CLDN5: variants seen among roughly 807,000 people sequenced by gnomAD.
CLDN5 encodes claudin-5.
In CLDN5, 4 loss-of-function variants were observed where a neutral mutation model predicts 1.3. The ratio of observed to expected loss-of-function variants is 3.07; its 90% CI spans 1.51 to 7.03. The LOEUF (loss-of-function observed/expected upper bound fraction) is 7.03, where lower values mean the gene tolerates loss of function less well. Among genes scored for constraint, CLDN5 ranks in the 30% most tolerant of loss-of-function variants. The pLI is 0.00. For missense variants in CLDN5, 225 were observed against 303.5 expected (o/e 0.74, Z 1.92); for synonymous variants, 156 against 152.3 (o/e 1.02, Z -0.18).
At chr22:19,524,836 C>A, upstream of CLDN5, 1 of 1,170,766 alleles carries the variant, frequency 8.5e-7, no homozygotes, top group Non-Finnish European at 1.1e-6. Context: ...TTGCAGAAGC[C>A]CCCCACCCCG....
At position 19,524,293 on chromosome 22, in the gene CLDN5, C is replaced by T. The variant is rs1271794848; in HGVS notation, c.-38G>A. On this transcript the variant is annotated 5_prime_UTR_variant, in exon 1 of 1. Coordinates refer to ENST00000618236, the MANE Select transcript of CLDN5 (RefSeq NM_001363066.2). ...GACGCGCACCCGAAGGCCCGCAGAA[C>T]CCCCAAGGCCGTGCTGCGCGGCGCC... 4 of 1,537,818 alleles carry T rather than the reference C, an allele frequency of 2.6e-6. No individual in the cohort carries two copies. Among genetic ancestry groups the T allele is most frequent in the East Asian group, 2.5e-5 (1 of 40,636 alleles).
upstream of CLDN5, chr22:19,524,710 C>T: frequency 7.7e-7 from 1 of 1,301,166 alleles, no homozygotes; most frequent in Non-Finnish European, 9.8e-7. Flanking sequence ...CGTCCCGGCC[C>T]CGTCACTTCA....
At chr22:19,525,309 G>A (rs1370809196), upstream of CLDN5, 3 of 999,030 alleles carry the variant, frequency 3.0e-6, no homozygotes, top group African/African-American at 1.7e-5. Context: ...AGGCCTAGCA[G>A]CCTGCTCTGG....
At position 19,524,251 on chromosome 22, in the gene CLDN5, C is replaced by G; in HGVS notation, c.5G>C (p.Gly2Ala). 6.3e-7 allele frequency: 1 copy of G among 1,575,830 alleles called. No individual in the cohort carries two copies. The highest frequency in any genetic ancestry group is 8.6e-7 in the Non-Finnish European group (1 of 1,161,412). The change falls in exon 1 of 1, where the codon GGG becomes GCG. Residue 2 changes from glycine to alanine, a missense_variant. Coordinates refer to ENST00000618236, the MANE Select transcript of CLDN5 (RefSeq NM_001363066.2). The part of the protein sequence containing the change: M[G>A]SAALEILGLV... ...GCCCAGGATCTCCAACGCTGCGGAC[C>G]CCATGGCTAGAGGCGAGACGCGCAC...
At chr22:19,525,152 G>A (rs1475069561), upstream of CLDN5, 1 of 1,000,468 alleles carries the variant, frequency 1.0e-6, no homozygotes, top group African/African-American at 1.7e-5. Context: ...GGGCTTCCCA[G>A]ACCTCTCAAT....
upstream of CLDN5, chr22:19,524,767 C>T: frequency 8.0e-7 from 1 of 1,245,000 alleles, no homozygotes; most frequent in Non-Finnish European, 1.0e-6. Flanking sequence ...ACTCCCACAT[C>T]CCCGACTGAG....
At chr22:19,524,683 T>G, upstream of CLDN5, 2 of 1,300,526 alleles carry the variant, frequency 1.5e-6, no homozygotes, top group South Asian at 3.0e-5. Flanking sequence ...GCGCGCTTCT[T>G]GGGCCGCCTC....
rs1232007358 is a variant in CLDN5, at chr22:19,523,477, G to T, written c.*122C>A. 9 of 1,362,768 alleles carry T rather than the reference G, an allele frequency of 6.6e-6. No individual in the cohort carries two copies. In the African/African-American group the frequency reaches 1.2e-4, roughly 18 times the overall value. 84.4% of individuals were successfully genotyped at this position (1,362,768 alleles called of 1,614,324 possible). On this transcript the variant is annotated 3_prime_UTR_variant, in exon 1 of 1. Transcript: ENST00000618236. The stretch of plus-strand genomic sequence containing the variant: ...GCCGCGTCGGGGCGCAGAGCCGGAC[G>T]TTCCGAGGAGCCTGCGCGCCGCGCT...
upstream of CLDN5, chr22:19,524,797 C>T (rs187304082): frequency 3.6e-5 from 44 of 1,222,770 alleles, no homozygotes; most frequent in East Asian, 2.7e-4. Context: ...CTCTTCCACT[C>T]GAGCCAGCTC....
In CLDN5 at chr22:19,523,971, G is replaced by C. The variant is rs1315705829; in HGVS notation, c.285C>G (p.Leu95=). The change falls in exon 1 of 1, where the codon CTC becomes CTG. Residue 95 remains leucine, a synonymous_variant. Coordinates refer to ENST00000618236, the MANE Select transcript of CLDN5 (RefSeq NM_001363066.2). ...ACTGCGCGCCCGCCAGGGTCACGAA[G>C]AGCGCAACGAACGCCAGCAGCACGG... ...VSAVLLAFVA[L]FVTLAGAQCT... 2 of 1,588,384 alleles carry C rather than the reference G, an allele frequency of 1.3e-6. No individual in the cohort carries two copies. The highest frequency in any genetic ancestry group is 3.5e-5 in the Admixed American group (2 of 57,202).
Position 19,523,578 on chromosome 22 carries a change from GC to G in CLDN5, c.*20del. On this transcript the variant is annotated 3_prime_UTR_variant, in exon 1 of 1. Coordinates refer to ENST00000618236, the MANE Select transcript of CLDN5 (RefSeq NM_001363066.2). ...CTCGCAGGCGTGGCTGGCAGGAGGG[GC>G]CCGGCCGTGCCCAGCGCCCTCAGAC... 3.2e-6 allele frequency: 5 copies of G among 1,541,976 alleles called. No individual in the cohort carries two copies. Among genetic ancestry groups the G allele is most frequent in the Non-Finnish European group, 4.3e-6 (5 of 1,149,480 alleles).
Position 19,524,294 on chromosome 22 carries a change from C to G in CLDN5, c.-39G>C, listed in dbSNP as rs533679011. The G allele has an allele frequency of 1.3e-6, 2 of 1,538,520 alleles. No homozygotes were observed. The highest frequency in any genetic ancestry group is 4.9e-5 in the East Asian group (2 of 40,632). On this transcript the variant is annotated 5_prime_UTR_variant, in exon 1 of 1. Transcript: ENST00000618236. ...ACGCGCACCCGAAGGCCCGCAGAAC[C>G]CCCAAGGCCGTGCTGCGCGGCGCCC...
At position 19,523,817 on chromosome 22, in the gene CLDN5, A is replaced by G; in HGVS notation, c.439T>C (p.Phe147Leu). 6.2e-7 allele frequency: 1 copy of G among 1,609,016 alleles called. No individual in the cohort carries two copies. Among genetic ancestry groups the G allele is most frequent in the South Asian group, 1.1e-5 (1 of 90,592 alleles). The change falls in exon 1 of 1, where the codon TTT becomes CTT. Residue 147 changes from phenylalanine (F) to leucine (L), a missense_variant. Physicochemically the swap from Phe to Leu is conservative, Grantham distance 22. Coordinates refer to ENST00000618236, the MANE Select transcript of CLDN5 (RefSeq NM_001363066.2). ...CWFANIVVREFYDPSVPVSQK... is the reference protein window; with the variant it reads ...CWFANIVVRELYDPSVPVSQK... ...GACACGGGCACAGACGGGTCGTAAA[A>G]CTCGCGGACGACAATGTTGGCGAAC...
Position 19,523,966 on chromosome 22 carries a change from A to G in CLDN5, c.290T>C (p.Val97Ala). 1 of 1,588,488 alleles carries G rather than the reference A, an allele frequency of 6.3e-7. No homozygotes were observed. The highest frequency in any genetic ancestry group is 8.5e-7 in the Non-Finnish European group (1 of 1,172,988). Residue 97 changes from valine (V) to alanine (A), a missense_variant, in exon 1 of 1, where the codon GTG becomes GCG. Val to Ala is a moderately conservative substitution (Grantham distance 64). Around this residue, in one of 3 missense-constraint regions of CLDN5, gnomAD observed 165 missense variants for 211.9 expected, o/e 0.78. Coordinates refer to ENST00000618236, the MANE Select transcript of CLDN5 (RefSeq NM_001363066.2). The part of the protein sequence containing the change: ...AVLLAFVALF[V>A]TLAGAQCTTC... ...GGTGCACTGCGCGCCCGCCAGGGTC[A>G]CGAAGAGCGCAACGAACGCCAGCAG... is the stretch of plus-strand genomic sequence containing the variant.
rs1436682544 is a variant in CLDN5 at position 19,524,354 on chromosome 22, C to T, written c.-99G>A. 3.4e-6 allele frequency: 5 copies of T among 1,482,022 alleles called. No individual in the cohort carries two copies. The highest frequency in any genetic ancestry group is 4.5e-6 in the Non-Finnish European group (5 of 1,115,092). The allele number at this position is 1,482,022 out of a possible 1,614,324, so 91.8% of individuals were successfully genotyped here. A position where few individuals can be genotyped will look rare whatever the true frequency, so the allele number is the denominator to read the frequency against. On this transcript the variant is annotated 5_prime_UTR_variant, in exon 1 of 1. Transcript: ENST00000618236. ...CCTGGTGCCTTTGCGCCCGCGCTCCCGGCTCTTGGCCCCAGTCCGTTTGCC... is the reference window on the plus strand; with the variant it reads ...CCTGGTGCCTTTGCGCCCGCGCTCCTGGCTCTTGGCCCCAGTCCGTTTGCC...
rs1417261113 is a variant in CLDN5, at chr22:19,523,991, G to A, written c.265C>T (p.Leu89=). The change falls in exon 1 of 1, where the codon CTG becomes TTG. Residue 89 remains leucine (L), a synonymous_variant. Coordinates refer to ENST00000618236, the MANE Select transcript of CLDN5 (RefSeq NM_001363066.2). ...AARALTVSAV[L]LAFVALFVTL... ...ACGAAGAGCGCAACGAACGCCAGCA[G>A]CACGGCGCTCACGGTGAGCGCCCGC... is the stretch of plus-strand genomic sequence containing the variant. 3 of 1,589,234 alleles carry A rather than the reference G, an allele frequency of 1.9e-6. No homozygotes were observed. Among genetic ancestry groups the A allele is most frequent in the East Asian group, 2.3e-5 (1 of 44,196 alleles).
chr22:19,524,593 C>A (rs1398061693), upstream of CLDN5: 3 of 1,334,938 alleles, frequency 2.2e-6, no homozygotes, highest in Admixed American at 7.8e-5. Context: ...GGCGCGGGAC[C>A]GCTCCCCGCC....
chr22:19,524,501 C>G (rs1426976612), upstream of CLDN5: 3 of 1,419,086 alleles, frequency 2.1e-6, no homozygotes, highest in Middle Eastern at 2.0e-4. Context: ...CCAATCCGTG[C>G]GCGGGTCATC....
At position 19,523,857 on chromosome 22, in the gene CLDN5, G is replaced by A. The variant is rs747068763; in HGVS notation, c.399C>T (p.Leu133=). 11 of 1,610,316 alleles carry A rather than the reference G, an allele frequency of 6.8e-6. No homozygotes were observed. Among genetic ancestry groups the A allele is most frequent in the Non-Finnish European group, 8.5e-6 (10 of 1,179,238 alleles). Residue 133 remains leucine, a synonymous_variant, in exon 1 of 1, where the codon CTC becomes CTT. Transcript: ENST00000618236. The part of the protein sequence containing the change: ...VLYLFCGLLA[L]VPLCWFANIV... ...TGTTGGCGAACCAGCAGAGTGGCAC[G>A]AGCGCCAGCAGCCCGCAAAACAGGT...
Sources: gnomAD v4.1 joint callset for allele counts on GRCh38, gnomAD v4.1.1 for gene constraint, gnomAD v4.1.1 regional missense constraint, MANE v1.5 for transcripts, NCBI Gene and HGNC (gene_info 2026-07-23, HGNC 2026-07-21) for gene names.